XRN2: variants seen among roughly 807,000 people sequenced by gnomAD.
The protein encoded by XRN2 is DHM1-like protein.
Under a neutral mutation model 138.5 loss-of-function variants are expected in XRN2, and 44 were observed. The observed-to-expected ratio is 0.32, with a 90% CI of 0.25 to 0.41. XRN2 has a LOEUF of 0.41. XRN2 is among the 10% of genes least tolerant of loss of function. The probability of loss-of-function intolerance (pLI) is 1.00; values close to 1 mark genes in which losing one functional copy is unlikely to be tolerated. For synonymous variants in XRN2, 354 were observed against 369.4 expected (o/e 0.96, Z 0.48); for missense variants, 937 against 1,169.3 (o/e 0.80, Z 2.90).
In XRN2 at chr20:21,362,600, C is replaced by T. The variant is rs1172332809; in HGVS notation, c.2256-2821C>T. On this transcript the variant is annotated intron_variant, in intron 24 of 29. Transcript: ENST00000377191. ...GCTGGGTTGTTCTTTCTGAAATTAT[C>T]TTTGATCACTTTCACGTCCTCATTG... 2.6e-5 allele frequency among the ~76,000 whole-genome samples: 4 copies of T among 152,302 alleles called. No individual in the cohort carries two copies. The East Asian group carries it at 7.7e-4, about 29-fold the overall frequency.
chr20:21,338,906 G>T, intron 13 of XRN2, 138 bp from the exon 14 acceptor site: 1 of 721,520 alleles, frequency 1.4e-6, no homozygotes, highest in Non-Finnish European at 2.4e-6. Flanking sequence ...TAGTCTTATT[G>T]CCTGGTTTAA....
At chr20:21,323,826 G>A (rs544812637) in intron 1 of XRN2, among the ~76,000 whole-genome samples, 1 of 152,326 alleles carries the variant, frequency 6.6e-6, no homozygotes, top group East Asian at 1.9e-4. Flanking sequence ...GTTTTTGTGA[G>A]TCAGGTTTTA....
intron 4 of XRN2, among the ~76,000 whole-genome samples, chr20:21,329,691 A>C (rs1486361888): frequency 1.3e-5 from 2 of 152,116 alleles, no homozygotes; most frequent in Non-Finnish European, 2.9e-5. Context: ...TTTCTTGAGA[A>C]GCAGCTAATA....
intron 1 of XRN2, among the ~76,000 whole-genome samples, chr20:21,321,677 A>G (rs1203140767): frequency 6.6e-6 from 1 of 151,758 alleles, no homozygotes; most frequent in Non-Finnish European, 1.5e-5. Context: ...TTTACTGTGC[A>G]CTTTTGCAAA....
intron 27 of XRN2, among the ~76,000 whole-genome samples, chr20:21,370,260 C>G (rs2038746951): frequency 6.6e-6 from 1 of 152,082 alleles, no homozygotes; most frequent in African/African-American, 2.4e-5. Flanking sequence ...TACTATTGCT[C>G]TGTAGTATAA....
intron 26 of XRN2, among the ~76,000 whole-genome samples, chr20:21,366,713 AAAACCTAAAC>A (rs2038709063): frequency 6.6e-6 from 1 of 152,254 alleles, no homozygotes; most frequent in East Asian, 1.9e-4. Context: ...CTCCATCTTT[AAAACCTAAAC>A]AGGCATTTTG....
chr20:21,353,716 G>T (rs946944685), intron 20 of XRN2, among the ~76,000 whole-genome samples: 2 of 150,710 alleles, frequency 1.3e-5, no homozygotes, highest in Admixed American at 1.3e-4. Context: ...GATTGCTTGA[G>T]CCTGCAAGTT....
chr20:21,387,225 C>G lies in XRN2; in HGVS notation c.2787+219C>G, dbSNP rs1217521833. The stretch of plus-strand genomic sequence containing the variant: ...TTGAAGATGCCAAAGAATTTCTAAC[C>G]CAAAAGCCCTTTAAATCATAGCAGT... On this transcript the variant is annotated intron_variant, in intron 29 of 29. Coordinates refer to ENST00000377191, the MANE Select transcript of XRN2 (RefSeq NM_012255.5). 2.0e-5 allele frequency among the ~76,000 whole-genome samples: 3 copies of G among 152,114 alleles called. No individual in the cohort carries two copies. In the East Asian group the frequency reaches 5.8e-4, roughly 29 times the overall value.
Position 21,331,649 on chromosome 20 carries a change from C to T in XRN2, c.649+16C>T. 3.1e-6 allele frequency: 5 copies of T among 1,607,846 alleles called. No homozygotes were observed. Among genetic ancestry groups the T allele is most frequent in the Non-Finnish European group, 4.2e-6 (5 of 1,177,644 alleles). On this transcript the variant is annotated intron_variant, in intron 7 of 29. Transcript: ENST00000377191. ...AGGCAAAGAGGTAAAGCTTACTTAC[C>T]AATATTTGATTATATGTTCTATTTT...
rs1026417520 is a variant in XRN2 at position 21,303,788 on chromosome 20, G to A, written c.75+315G>A. 9.8e-6 allele frequency: 11 copies of A among 1,123,892 alleles called. No individual in the cohort carries two copies. The African/African-American group carries it at 1.8e-4, about 18-fold the overall frequency. 69.6% of individuals were successfully genotyped at this position (1,123,892 alleles called of 1,614,324 possible). The stretch of plus-strand genomic sequence containing the variant: ...CGCCCACTGCTTTGTTTCCTCTCCA[G>A]ACCGCGCATTTTGGGTCTCGGAAGA... On this transcript the variant is annotated intron_variant, in intron 1 of 29. Transcript: ENST00000377191.
At position 21,365,589 on chromosome 20, in the gene XRN2, C is replaced by T. The variant is rs2038683522; in HGVS notation, c.2341C>T (p.Leu781=). ...LPGARKPAAV[L]KPSDWEKSSN... ...AATGGTCAGAAAGCCAGCAGCAGTA[C>T]TGAAACCTAGTGACTGGGAAAAATC... Residue 781 remains leucine, a synonymous_variant, in exon 26 of 30, where the codon CTG becomes TTG. Transcript: ENST00000377191. The T allele has an allele frequency of 2.5e-6, 4 of 1,613,350 alleles. No individual in the cohort carries two copies. The highest frequency in any genetic ancestry group is 1.7e-4 in the Middle Eastern group (1 of 6,058).
chr20:21,323,271 C>G (rs1428075662), intron 1 of XRN2, among the ~76,000 whole-genome samples: 2 of 152,194 alleles, frequency 1.3e-5, no homozygotes, highest in Non-Finnish European at 1.5e-5. Flanking sequence ...TTCTGGTTTT[C>G]CGCCGTAGTT....
intron 1 of XRN2, among the ~76,000 whole-genome samples, chr20:21,305,441 G>C (rs942284536): frequency 6.6e-6 from 1 of 150,508 alleles, no homozygotes; most frequent in East Asian, 2.0e-4. Context: ...TTTTAGTAGA[G>C]ACGGAGTTTT....
chr20:21,340,654 TTC>T lies in XRN2; in HGVS notation c.1279-66_1279-65del, dbSNP rs2122233477. 8 of 1,564,192 alleles carry T rather than the reference TTC, an allele frequency of 5.1e-6. No homozygotes were observed. In the East Asian group the frequency reaches 1.1e-4, roughly 22 times the overall value. ...TTGGACTTTATTCCATTGCCCTTCT[TTC>T]CTTTCTGTCATCTAACTGTGTTGTG... On this transcript the variant is annotated intron_variant, in intron 14 of 29. Coordinates refer to ENST00000377191, the MANE Select transcript of XRN2 (RefSeq NM_012255.5).
At chr20:21,371,470 C>T (rs1292268221) in intron 27 of XRN2, among the ~76,000 whole-genome samples, 1 of 152,212 alleles carries the variant, frequency 6.6e-6, no homozygotes, top group Non-Finnish European at 1.5e-5. Context: ...CTGTGGGAAT[C>T]TGCTTGGTGC....
intron 13 of XRN2, among the ~76,000 whole-genome samples, chr20:21,335,649 A>G (rs1212218796): frequency 6.6e-6 from 1 of 152,210 alleles, no homozygotes; most frequent in Non-Finnish European, 1.5e-5. Context: ...CAATTGGAAC[A>G]TTTTTAACTA....
chr20:21,368,607 C>G lies in XRN2; in HGVS notation c.2584+17C>G, dbSNP rs191129702. The G allele has an allele frequency of 2.1e-5, 34 of 1,608,070 alleles. No homozygotes were observed. Among genetic ancestry groups the G allele is most frequent in the Admixed American group, 1.4e-4 (8 of 58,598 alleles). On this transcript the variant is annotated intron_variant, in intron 27 of 29. Coordinates refer to ENST00000377191, the MANE Select transcript of XRN2 (RefSeq NM_012255.5). The stretch of plus-strand genomic sequence containing the variant: ...TTATGTCAAGTAAGCTTTTACAAAT[C>G]GGTTATTTTACATTATAAATTAAAT...
Position 21,349,438 on chromosome 20 carries a change from A to G in XRN2, c.1913A>G (p.Asn638Ser), listed in dbSNP as rs2038478999. The change falls in exon 20 of 30, where the codon AAT (asparagine) becomes AGT (serine). Residue 638 changes from asparagine (N) to serine (S), a missense_variant. By Grantham distance (46) the Asn-to-Ser change is conservative. This residue lies in a region of XRN2 where 372 missense variants were observed against 414.4 expected (regional missense o/e 0.90). Transcript: ENST00000377191. ...CCTGAAGATTTTGCTATTGATTTGA[A>G]TGGGAAGAAATATGCATGGCAAGGT... ...FYPEDFAIDL[N>S]GKKYAWQGVA... 5.0e-6 allele frequency: 8 copies of G among 1,607,538 alleles called. No homozygotes were observed. The Admixed American group carries it at 1.2e-4, about 23-fold the overall frequency.
rs1270264760 is a variant in XRN2, at chr20:21,303,437, G to A, written c.39G>A (p.Lys13=). 1 of 1,548,482 alleles carries A rather than the reference G, an allele frequency of 6.5e-7. No individual in the cohort carries two copies. Among genetic ancestry groups the A allele is most frequent in the African/African-American group, 1.4e-5 (1 of 72,456 alleles). ...CGTTCTTCCGCTGGCTCAGCCGCAA[G>A]TACCCGTCCATCATAGTCAACTGCG... ...VPAFFRWLSR[K]YPSIIVNCVE... is the part of the protein sequence containing the mutation. Residue 13 remains lysine, a synonymous_variant, in exon 1 of 30, where the codon AAG becomes AAA. Coordinates refer to ENST00000377191, the MANE Select transcript of XRN2 (RefSeq NM_012255.5).
Sources: gnomAD v4.1 joint callset for allele counts (sites outside exome capture counted in the v4.1 genomes callset) on GRCh38, gnomAD v4.1.1 for gene constraint, gnomAD v4.1.1 regional missense constraint, MANE v1.5 for transcripts, NCBI Gene and HGNC (gene_info 2026-07-23, HGNC 2026-07-21) for gene names.